Variants in SNX13 observed in about 807,000 individuals in gnomAD.
SNX13 encodes the protein sorting nexin 13, also known as sorting nexin-13.
In SNX13, 45 loss-of-function variants were observed where a neutral mutation model predicts 133.6. The ratio of observed to expected loss-of-function variants is 0.34; its 90% CI spans 0.27 to 0.43. The LOEUF (loss-of-function observed/expected upper bound fraction) is 0.43. Ranked by LOEUF, SNX13 falls within the 20% of genes least tolerant of loss-of-function variation. The probability of loss-of-function intolerance (pLI) is 1.00; values close to 1 mark genes in which losing one functional copy is unlikely to be tolerated. For missense variants in SNX13, 1,032 were observed against 1,145.1 expected (o/e 0.90, Z 1.43); for synonymous variants, 414 against 373.9 (o/e 1.11, Z -1.24).
chr7:17,813,785 G>A (rs1053805037), intron 20 of SNX13, among the ~76,000 whole-genome samples: 2 of 151,644 alleles, frequency 1.3e-5, no homozygotes, highest in African/African-American at 2.4e-5. Context: ...ACAGGGTCTC[G>A]CTGTTACCAG....
chr7:17,857,559 G>A (rs892926171), intron 9 of SNX13, among the ~76,000 whole-genome samples: 4 of 152,034 alleles, frequency 2.6e-5, no homozygotes, highest in South Asian at 2.1e-4. Flanking sequence ...CCGAGGTGGC[G>A]GATCACCAGA....
At chr7:17,891,052 G>C (rs1796569303) in intron 4 of SNX13, among the ~76,000 whole-genome samples, 1 of 151,518 alleles carries the variant, frequency 6.6e-6, no homozygotes, top group South Asian at 2.1e-4. Flanking sequence ...CTAAATATTA[G>C]TAATAATAAT....
chr7:17,887,397 G>A (rs368864573), intron 5 of SNX13, among the ~76,000 whole-genome samples: 8 of 152,052 alleles, frequency 5.3e-5, no homozygotes, highest in South Asian at 2.1e-4. Context: ...TAAGGCTCCC[G>A]TCTAATCCAC....
chr7:17,846,269 G>A (rs1016691470), intron 11 of SNX13, among the ~76,000 whole-genome samples: 7 of 150,934 alleles, frequency 4.6e-5, no homozygotes, highest in African/African-American at 1.5e-4. Flanking sequence ...GAAAAATTGC[G>A]TCCAAAATTT....
intron 1 of SNX13, among the ~76,000 whole-genome samples, chr7:17,915,561 G>C (rs1344614475): frequency 6.6e-6 from 1 of 152,176 alleles, no homozygotes; most frequent in Non-Finnish European, 1.5e-5. Context: ...CTGTGGTGGA[G>C]CAGCCCAACA....
chr7:17,822,364 T>C (rs1787395512), intron 17 of SNX13, among the ~76,000 whole-genome samples: 1 of 152,148 alleles, frequency 6.6e-6, no homozygotes, highest in Non-Finnish European at 1.5e-5. Context: ...TTTCTTTATC[T>C]TTCTGCACTC....
intron 17 of SNX13, among the ~76,000 whole-genome samples, chr7:17,824,520 T>C (rs895211234): frequency 2.6e-5 from 4 of 151,868 alleles, no homozygotes; most frequent in African/African-American, 4.8e-5. Context: ...CTATGAGTTA[T>C]GTATTATTAT....
chr7:17,922,296 G>T (rs1254809794), intron 1 of SNX13, among the ~76,000 whole-genome samples: 1 of 152,168 alleles, frequency 6.6e-6, no homozygotes, highest in Non-Finnish European at 1.5e-5. Flanking sequence ...AGCTAGTGGG[G>T]TCTTAGTTTC....
chr7:17,832,218 G>C (rs1788579106), intron 15 of SNX13: 1 of 984,400 alleles, frequency 1.0e-6, no homozygotes, highest in African/African-American at 1.7e-5. Flanking sequence ...AAAAAGTACA[G>C]TGTATGATTT....
chr7:17,866,537 C>T (rs182190375), intron 9 of SNX13, among the ~76,000 whole-genome samples: 1 of 151,912 alleles, frequency 6.6e-6, no homozygotes, highest in East Asian at 1.9e-4. Flanking sequence ...ATGGTACATA[C>T]ACAAAATAGA....
At chr7:17,920,333 T>C (rs910012157) in intron 1 of SNX13, among the ~76,000 whole-genome samples, 1 of 152,198 alleles carries the variant, frequency 6.6e-6, no homozygotes, top group Non-Finnish European at 1.5e-5. Flanking sequence ...ATTTTACTAC[T>C]TACCTTATTC....
rs1251159707 is a variant in SNX13, at chr7:17,875,804, C to T, written c.441-14G>A. On this transcript the variant is annotated splice_polypyrimidine_tract_variant and intron_variant, in intron 5 of 25. Transcript: ENST00000428135. Reference sequence around the variant, plus strand: ...ATTTCTTTTGACCTTATAAAAAACACATTACATAAAAGGATTATATAAATG... The same window carrying T: ...ATTTCTTTTGACCTTATAAAAAACATATTACATAAAAGGATTATATAAATG... The T allele has an allele frequency of 1.3e-6, 2 of 1,566,426 alleles. No homozygotes were observed. The highest frequency in any genetic ancestry group is 1.7e-6 in the Non-Finnish European group (2 of 1,153,942).
intron 2 of SNX13, 39 bp downstream of exon 2, chr7:17,897,295 T>C (rs756277006): frequency 6.9e-5 from 80 of 1,152,864 alleles, no homozygotes; most frequent in Non-Finnish European, 9.5e-5. Context: ...TAACAAGATA[T>C]GACACATGAA....
chr7:17,931,496 C>G (rs1311414831), intron 1 of SNX13, among the ~76,000 whole-genome samples: 1 of 152,128 alleles, frequency 6.6e-6, no homozygotes, highest in Non-Finnish European at 1.5e-5. Context: ...AACTCTAGCT[C>G]GAAAATAAAA....
At chr7:17,804,486 T>C (rs971878841) in intron 20 of SNX13, among the ~76,000 whole-genome samples, 1 of 152,044 alleles carries the variant, frequency 6.6e-6, no homozygotes, top group Non-Finnish European at 1.5e-5. Flanking sequence ...GTAAATCTTA[T>C]CTTAGCAAGG....
chr7:17,882,771 C>T, intron 5 of SNX13: 1 of 1,178,862 alleles, frequency 8.5e-7, no homozygotes, highest in African/African-American at 1.6e-5. Context: ...TGAAAGGGTT[C>T]TCAAATCACT....
At chr7:17,926,228 A>G (rs1800742888) in intron 1 of SNX13, among the ~76,000 whole-genome samples, 1 of 152,182 alleles carries the variant, frequency 6.6e-6, no homozygotes, top group Admixed American at 6.5e-5. Context: ...TGCTAGTGAC[A>G]GTATTTTTTT....
chr7:17,832,249 AT>A (rs777709762), intron 15 of SNX13: 118 of 984,596 alleles, frequency 1.2e-4, no homozygotes, highest in Non-Finnish European at 1.4e-4. Context: ...GAGACTGCTT[AT>A]AGTTTGCTTC....
At chr7:17,854,274 T>A (rs190283006) in intron 9 of SNX13, among the ~76,000 whole-genome samples, 1 of 152,362 alleles carries the variant, frequency 6.6e-6, no homozygotes, top group African/African-American at 2.4e-5. Flanking sequence ...ATATTTCATA[T>A]GAGGTGATAA....
Sources: gnomAD v4.1 joint callset for allele counts (sites outside exome capture counted in the v4.1 genomes callset) on GRCh38, gnomAD v4.1.1 for gene constraint, MANE v1.5 for transcripts, NCBI Gene and HGNC (gene_info 2026-07-23, HGNC 2026-07-21) for gene names.